SUPT3H: variants seen among roughly 807,000 people sequenced by gnomAD.
The protein encoded by SUPT3H is SPT3 homolog, SAGA and STAGA complex component, also known as transcription initiation protein SPT3 homolog.
Under a neutral mutation model 44.3 loss-of-function variants are expected in SUPT3H, and 44 were observed. The observed-to-expected ratio is 0.99, with a 90% CI of 0.78 to 1.28. SUPT3H has a LOEUF of 1.28. SUPT3H is among the 50% of genes most tolerant of loss of function. The pLI is 0.00. For synonymous variants in SUPT3H, 124 were observed against 125.6 expected, an observed-to-expected ratio of 0.99 and a Z score of 0.09; for missense variants, 380 against 387.1, an observed-to-expected ratio of 0.98 and a Z score of 0.15.
At chr6:45,041,524 T>C (rs747677140) in intron 3 of SUPT3H, among the ~76,000 whole-genome samples, 9 of 152,214 alleles carry the variant, frequency 5.9e-5, no homozygotes, top group Non-Finnish European at 1.0e-4. Context: ...AAAAAGGCAG[T>C]TGCCAACTGA....
At chr6:45,282,383 G>T (rs549377608) in intron 2 of SUPT3H, among the ~76,000 whole-genome samples, 4 of 152,208 alleles carry the variant, frequency 2.6e-5, no homozygotes, top group Non-Finnish European at 4.4e-5. Context: ...ATGCAGAGAA[G>T]TCCTTAAAGG....
intron 6 of SUPT3H, among the ~76,000 whole-genome samples, chr6:45,001,753 T>C (rs1358215847): frequency 1.3e-5 from 2 of 152,062 alleles, no homozygotes; most frequent in African/African-American, 4.8e-5. Context: ...AGTTAAGTCA[T>C]TGAATGATGC....
intron 3 of SUPT3H, among the ~76,000 whole-genome samples, chr6:45,086,310 A>G (rs1483377654): frequency 2.6e-5 from 4 of 152,210 alleles, no homozygotes; most frequent in East Asian, 3.9e-4. Flanking sequence ...GTAAAATCGG[A>G]TATTAATCGA....
chr6:44,994,079 A>T (rs1780953586), intron 6 of SUPT3H, among the ~76,000 whole-genome samples: 1 of 152,174 alleles, frequency 6.6e-6, no homozygotes, highest in East Asian at 1.9e-4. Context: ...TTAAAAACAA[A>T]TATAGTAATA....
In SUPT3H at chr6:45,365,236, C is replaced by T. The variant is rs139763589; in HGVS notation, c.66G>A (p.Lys22=). 1.4e-4 allele frequency: 227 copies of T among 1,612,086 alleles called. 1 individual carries two copies. The African/African-American group carries it at 2.7e-3, about 19-fold the overall frequency. The change falls in exon 2 of 11, where the codon AAG becomes AAA. Residue 22 remains lysine, a synonymous_variant. Transcript: ENST00000371459. Reference sequence around the variant, plus strand: ...GTAATTCTGTTGCAAAGCTTATAGACTTCCCTGTACTCCTTCCACTACTTG... The same window carrying T: ...GTAATTCTGTTGCAAAGCTTATAGATTTCCCTGTACTCCTTCCACTACTTG... The part of the protein sequence containing the change: ...ATSSSGRSTG[K]SISFATELQS...
Position 44,861,723 on chromosome 6 carries a change from G to C in SUPT3H, c.913-31866C>G, listed in dbSNP as rs575737207. ...AGTTTTCTAATATAAAAATTGAAAG[G>C]GTTGATTTTTAACAGTGTGCTAAGA... On this transcript the variant is annotated intron_variant, in intron 10 of 10. Transcript: ENST00000371459. Among the ~76,000 whole-genome samples, 68 of 152,084 alleles carry C rather than the reference G, an allele frequency of 4.5e-4. 1 individual carries two copies. The South Asian group carries it at 6.4e-3, about 14-fold the overall frequency.
At chr6:45,365,870 T>C (rs149989178) in intron 1 of SUPT3H, among the ~76,000 whole-genome samples, 40 of 130,182 alleles carry the variant, frequency 3.1e-4, no homozygotes, top group African/African-American at 9.8e-4. Flanking sequence ...TGTCAATCGG[T>C]AGATCAAAAG....
At chr6:45,362,978 ATATTT>A (rs1197122608) in intron 2 of SUPT3H, among the ~76,000 whole-genome samples, 1 of 151,866 alleles carries the variant, frequency 6.6e-6, no homozygotes, top group African/African-American at 2.4e-5. Flanking sequence ...GGTTTTTTTA[ATATTT>A]TATTTTTAAT....
chr6:44,935,577 T>C (rs1771269123), intron 9 of SUPT3H, among the ~76,000 whole-genome samples: 1 of 152,222 alleles, frequency 6.6e-6, no homozygotes, highest in Non-Finnish European at 1.5e-5. Flanking sequence ...AGAAAAGTAC[T>C]AGCTGTTTGG....
chr6:45,206,891 C>T (rs1030292706), intron 2 of SUPT3H, among the ~76,000 whole-genome samples: 47 of 152,114 alleles, frequency 3.1e-4, no homozygotes, highest in African/African-American at 1.0e-3. Flanking sequence ...GAGAAATCTA[C>T]CAGACATTCA....
intron 6 of SUPT3H, among the ~76,000 whole-genome samples, chr6:44,975,690 G>A (rs563610208): frequency 7.0e-4 from 106 of 152,038 alleles, no homozygotes; most frequent in African/African-American, 2.4e-3. Flanking sequence ...ACTTATACAC[G>A]TAACCAAAAA....
intron 2 of SUPT3H, among the ~76,000 whole-genome samples, chr6:45,222,926 A>G (rs1341310917): frequency 1.3e-5 from 2 of 152,160 alleles, no homozygotes; most frequent in Non-Finnish European, 2.9e-5. Context: ...ATGTTTGAGT[A>G]AAAAAGATCA....
chr6:44,968,229 T>C (rs547618978), intron 6 of SUPT3H, among the ~76,000 whole-genome samples: 10 of 152,262 alleles, frequency 6.6e-5, no homozygotes, highest in African/African-American at 1.4e-4. Context: ...TCAATAGGCA[T>C]TGGTTGTTGA....
intron 10 of SUPT3H, among the ~76,000 whole-genome samples, chr6:44,841,338 C>T (rs935865949): frequency 6.6e-6 from 1 of 152,140 alleles, no homozygotes; most frequent in Non-Finnish European, 1.5e-5. Context: ...TATTTAAATA[C>T]TGTTCAAGTT....
intron 2 of SUPT3H, among the ~76,000 whole-genome samples, chr6:45,258,002 C>T (rs1773697363): frequency 6.6e-6 from 1 of 152,138 alleles, no homozygotes; most frequent in Non-Finnish European, 1.5e-5. Context: ...TAATAATTCT[C>T]GATCACGGAA....
chr6:44,951,512 T>A, intron 9 of SUPT3H, among the ~76,000 whole-genome samples: 1 of 151,494 alleles, frequency 6.6e-6, no homozygotes, highest in Non-Finnish European at 1.5e-5. Flanking sequence ...TCATCTTGAC[T>A]ACCAGTCACA....
At chr6:45,305,069 G>C (rs1191306153) in intron 2 of SUPT3H, among the ~76,000 whole-genome samples, 4 of 152,146 alleles carry the variant, frequency 2.6e-5, no homozygotes, top group Non-Finnish European at 5.9e-5. Flanking sequence ...GCTTTTCAAA[G>C]AAAAGTATTA....
chr6:45,019,973 A>G (rs1784879949), intron 4 of SUPT3H, among the ~76,000 whole-genome samples: 1 of 152,032 alleles, frequency 6.6e-6, no homozygotes, highest in Non-Finnish European at 1.5e-5. Context: ...TGGCAAAATT[A>G]GACACACAAA....
intron 6 of SUPT3H, among the ~76,000 whole-genome samples, chr6:45,001,644 T>TA (rs1371589263): frequency 1.3e-5 from 2 of 151,986 alleles, no homozygotes; most frequent in African/African-American, 4.8e-5. Context: ...GAAAGAAAAC[T>TA]AAAATTAAGC....
Sources: gnomAD v4.1 joint callset for allele counts (sites outside exome capture counted in the v4.1 genomes callset) on GRCh38, gnomAD v4.1.1 for gene constraint, MANE v1.5 for transcripts, NCBI Gene and HGNC (gene_info 2026-07-23, HGNC 2026-07-21) for gene names.